LRRC31: variants seen among roughly 807,000 people sequenced by gnomAD.
The protein encoded by LRRC31 is leucine-rich repeat-containing protein 31.
LRRC31 carries 35 observed loss-of-function variants against 46.7 expected under a neutral mutation model. That is an observed-to-expected ratio of 0.75 (90% CI 0.57 to 0.99). The LOEUF (loss-of-function observed/expected upper bound fraction) is 0.99, where lower values mean the gene tolerates loss of function less well. Among genes scored for constraint, LRRC31 ranks in the 50% least tolerant of loss-of-function variants. The pLI is 0.00. For synonymous variants in LRRC31, 236 were observed against 235.1 expected, an observed-to-expected ratio of 1.00 and a Z score of -0.03; for missense variants, 613 against 626.1, an observed-to-expected ratio of 0.98 and a Z score of 0.22.
intron 8 of LRRC31, among the ~76,000 whole-genome samples, chr3:169,841,398 A>G (rs752417495): frequency 2.6e-5 from 4 of 152,124 alleles, no homozygotes; most frequent in Admixed American, 6.5e-5. Flanking sequence ...ATCAAGGAGG[A>G]TGCTCCAACT....
chr3:169,848,272 T>A lies in LRRC31; in HGVS notation c.1175A>T (p.His392Leu), dbSNP rs770563847. ...TFTALAEASV[H>L]LSALEVFNLS... ...GTTGAATACTTCCAGAGCAGAGAGGTGAACAGAGGCTTCAGCTAAAAGTGA... is the reference window on the plus strand; with the variant it reads ...GTTGAATACTTCCAGAGCAGAGAGGAGAACAGAGGCTTCAGCTAAAAGTGA... The change falls in exon 8 of 9, where the codon CAC becomes CTC. Residue 392 changes from histidine to leucine, a missense_variant. His to Leu is a moderately conservative substitution (Grantham distance 99). Coordinates refer to ENST00000316428, the MANE Select transcript of LRRC31 (RefSeq NM_024727.4). 4 of 1,613,890 alleles carry A rather than the reference T, an allele frequency of 2.5e-6. No individual in the cohort carries two copies. In the African/African-American group the frequency reaches 5.3e-5, roughly 22 times the overall value.
Position 169,839,546 on chromosome 3 carries a change from C to G in LRRC31, c.*436G>C, listed in dbSNP as rs1489160796. 1 of 151,888 alleles carries G rather than the reference C, an allele frequency of 6.6e-6. No individual in the cohort carries two copies. The highest frequency in any genetic ancestry group is 1.5e-5 in the Non-Finnish European group (1 of 68,034). The allele number at this position is 151,888 out of a possible 1,614,324, so 9.4% of individuals were successfully genotyped here. On this transcript the variant is annotated 3_prime_UTR_variant, in exon 9 of 9. Transcript: ENST00000316428. The stretch of plus-strand genomic sequence containing the variant: ...GAATTACACACACACACACATACCC[C>G]TTTATATTTAGAACATTTAACTTGT...
chr3:169,855,672 C>T (rs540409077), intron 5 of LRRC31, among the ~76,000 whole-genome samples: 9 of 152,220 alleles, frequency 5.9e-5, no homozygotes, highest in African/African-American at 2.2e-4. Flanking sequence ...CCATCGAAGC[C>T]GTTCTTTTTA....
chr3:169,847,563 C>T (rs1249929371), intron 8 of LRRC31, among the ~76,000 whole-genome samples: 5 of 152,172 alleles, frequency 3.3e-5, no homozygotes, highest in African/African-American at 4.8e-5. Flanking sequence ...ATTATCTTTC[C>T]ATCTTTCTAG....
chr3:169,852,045 T>C lies in LRRC31; in HGVS notation c.992-259A>G, dbSNP rs573258826. 6.1e-4 allele frequency among the ~76,000 whole-genome samples: 92 copies of C among 152,058 alleles called. 2 individuals carry two copies. The South Asian group carries it at 0.019, about 31-fold the overall frequency. On this transcript the variant is annotated intron_variant, in intron 6 of 8. Coordinates refer to ENST00000316428, the MANE Select transcript of LRRC31 (RefSeq NM_024727.4). Reference sequence around the variant, plus strand: ...TCTTGGATCTGCTACTAAAGAACTGTGTGATTTTGGACAAGTTAATTAACG... The same window carrying C: ...TCTTGGATCTGCTACTAAAGAACTGCGTGATTTTGGACAAGTTAATTAACG...
chr3:169,860,660 T>A lies in LRRC31; in HGVS notation c.388A>T (p.Thr130Ser), dbSNP rs141667917. The A allele has an allele frequency of 1.1e-3, 1,806 of 1,614,094 alleles. 20 individuals carry two copies. In the East Asian group the frequency reaches 0.023, roughly 20 times the overall value. Residue 130 changes from threonine to serine, a missense_variant, in exon 3 of 9, where the codon ACC (threonine) becomes TCC (serine). Transcript: ENST00000316428. The part of the protein sequence containing the change: ...DISWNGFVGG[T>S]LLSITQQMHL... ...ATTTGCTGAGTGATGGAAAGGAGGG[T>A]TCCACCTACAAAACCATTCCAGGAG...
chr3:169,860,524 G>A (rs760652695), intron 3 of LRRC31, 37 bp downstream of exon 3: 34 of 1,610,156 alleles, frequency 2.1e-5, no homozygotes, highest in Non-Finnish European at 2.8e-5. Context: ...CACGGCGCCC[G>A]GCCGAATCCA....
intron 7 of LRRC31, 57 bp downstream of exon 7, chr3:169,851,562 G>T (rs553618447): frequency 2.7e-5 from 41 of 1,503,794 alleles, no homozygotes; most frequent in Non-Finnish European, 2.7e-6. Context: ...CAGGGAAAAA[G>T]AAGTCTCCCT....
In LRRC31 at chr3:169,841,403, C is replaced by T. The variant is rs564086329; in HGVS notation, c.1328-1090G>A. On this transcript the variant is annotated intron_variant, in intron 8 of 8. Transcript: ENST00000316428. Reference sequence around the variant, plus strand: ...TGGCTTTCAGATCAAGGAGGATGCTCCAACTCCATCACTTTCACTTGCCAA... The same window carrying T: ...TGGCTTTCAGATCAAGGAGGATGCTTCAACTCCATCACTTTCACTTGCCAA... 4.1e-4 allele frequency among the ~76,000 whole-genome samples: 63 copies of T among 152,322 alleles called. 3 individuals carry two copies. The South Asian group carries it at 8.3e-3, about 20-fold the overall frequency.
intron 8 of LRRC31, among the ~76,000 whole-genome samples, chr3:169,844,704 C>T (rs1780551110): frequency 6.6e-6 from 1 of 152,122 alleles, no homozygotes; most frequent in South Asian, 2.1e-4. Context: ...GAGGCTGAGG[C>T]AGGCAGATCA....
chr3:169,864,419 A>G (rs1359194806), intron 1 of LRRC31, among the ~76,000 whole-genome samples: 1 of 152,238 alleles, frequency 6.6e-6, no homozygotes, highest in Non-Finnish European at 1.5e-5. Context: ...AGTAAGCAGT[A>G]CAGTCAAAAG....
chr3:169,843,454 G>T (rs1004365980), intron 8 of LRRC31, among the ~76,000 whole-genome samples: 2 of 152,188 alleles, frequency 1.3e-5, no homozygotes, highest in Non-Finnish European at 2.9e-5. Flanking sequence ...ACAGAGAACC[G>T]ACACAAGCTG....
At chr3:169,866,411 G>C (rs1488986959) in intron 1 of LRRC31, among the ~76,000 whole-genome samples, 2 of 152,162 alleles carry the variant, frequency 1.3e-5, no homozygotes, top group Non-Finnish European at 2.9e-5. Context: ...GATGACCCCG[G>C]CTTGGTTTTG....
At chr3:169,853,458 T>A (rs1476656174) in intron 6 of LRRC31, 1 of 985,422 alleles carries the variant, frequency 1.0e-6, no homozygotes, top group Non-Finnish European at 1.2e-6. Context: ...GAAAGCTTAG[T>A]CCTCCGTTAT....
intron 8 of LRRC31, among the ~76,000 whole-genome samples, chr3:169,842,006 C>G (rs530187116): frequency 6.6e-6 from 1 of 152,156 alleles, no homozygotes; most frequent in Non-Finnish European, 1.5e-5. Context: ...GATCGTGCCA[C>G]TGCACTCTAG....
rs776346999 is a variant in LRRC31, at chr3:169,840,161, T to C, written c.1480A>G (p.Asn494Asp). The change falls in exon 9 of 9, where the codon AAT (asparagine) becomes GAT (aspartate). Residue 494 changes from asparagine to aspartate, a missense_variant. Asn to Asp is a conservative substitution (Grantham distance 23). Transcript: ENST00000316428. The part of the protein sequence containing the change: ...IELDISLRPS[N>D]FRDCGQWFRH... ...AACCATTGTCCACAATCTCGAAAATTTGATGGTCGAAGGCTAATATCCAGC... is the reference window on the plus strand; with the variant it reads ...AACCATTGTCCACAATCTCGAAAATCTGATGGTCGAAGGCTAATATCCAGC... 19 of 1,614,056 alleles carry C rather than the reference T, an allele frequency of 1.2e-5. No homozygotes were observed. Among genetic ancestry groups the C allele is most frequent in the Admixed American group, 6.7e-5 (4 of 59,994 alleles).
At chr3:169,842,686 G>GA (rs1401430787) in intron 8 of LRRC31, among the ~76,000 whole-genome samples, 1 of 151,870 alleles carries the variant, frequency 6.6e-6, no homozygotes, top group African/African-American at 2.4e-5. Flanking sequence ...TTCAAAGAAG[G>GA]AAAATATACC....
chr3:169,862,763 A>T (rs886151910), intron 1 of LRRC31, among the ~76,000 whole-genome samples: 21 of 152,244 alleles, frequency 1.4e-4, no homozygotes, highest in East Asian at 9.6e-4. Context: ...GCATCTAAAA[A>T]AAATAAATAA....
chr3:169,844,323 A>G (rs1379402534), intron 8 of LRRC31, among the ~76,000 whole-genome samples: 1 of 152,224 alleles, frequency 6.6e-6, no homozygotes, highest in Non-Finnish European at 1.5e-5. Flanking sequence ...ATCATTCATT[A>G]TTATTATGAA....
Sources: gnomAD v4.1 joint callset for allele counts (sites outside exome capture counted in the v4.1 genomes callset) on GRCh38, gnomAD v4.1.1 for gene constraint, MANE v1.5 for transcripts, NCBI Gene and HGNC (gene_info 2026-07-23, HGNC 2026-07-21) for gene names.